KANK1: variants seen among roughly 807,000 people sequenced by gnomAD.
KANK1 encodes the protein KN motif and ankyrin repeat domain-containing protein 1.
In KANK1, 109 loss-of-function variants were observed where a neutral mutation model predicts 106.2. That is an observed-to-expected ratio of 1.03 (90% confidence interval 0.88 to 1.20). KANK1 has a LOEUF of 1.20. Among genes scored for constraint, KANK1 ranks in the 50% most tolerant of loss-of-function variants. The pLI is 0.00. For synonymous variants in KANK1, 873 were observed against 652.2 expected (o/e 1.34, Z -5.16); for missense variants, 2,399 against 1,710.7 (o/e 1.40, Z -7.10).
At chr9:574,087 G>C (rs1374588085) in intron 1 of KANK1, among the ~76,000 whole-genome samples, 1 of 152,248 alleles carries the variant, frequency 6.6e-6, no homozygotes. Flanking sequence ...TTGTCCTGTA[G>C]AAGTAGAAAT....
chr9:620,765 T>C (rs558251174), intron 1 of KANK1, among the ~76,000 whole-genome samples: 1 of 152,206 alleles, frequency 6.6e-6, no homozygotes, highest in South Asian at 2.1e-4. Context: ...AAAACCAATT[T>C]TTAAAAAGCC....
chr9:475,364 C>T (rs1051213788), intron 3 of KANK1, among the ~76,000 whole-genome samples: 3 of 152,202 alleles, frequency 2.0e-5, no homozygotes, highest in African/African-American at 7.2e-5. Flanking sequence ...TAACCCAAGA[C>T]CCCGAAAGTA....
chr9:564,078 G>A (rs902584786), intron 1 of KANK1, among the ~76,000 whole-genome samples: 1 of 86,862 alleles, frequency 1.2e-5, no homozygotes, highest in Non-Finnish European at 2.2e-5. Context: ...TTTTTTTTTT[G>A]AGACAGAGTC....
At chr9:656,517 T>C (rs1002994855) in intron 1 of KANK1, among the ~76,000 whole-genome samples, 4 of 152,154 alleles carry the variant, frequency 2.6e-5, no homozygotes, top group Non-Finnish European at 4.4e-5. Context: ...TTGGTCAGTC[T>C]GTGACCATAC....
Position 713,155 on chromosome 9 carries a change from G to T in KANK1, c.2389G>T (p.Val797Leu). 6.3e-7 allele frequency: 1 copy of T among 1,591,812 alleles called. No individual in the cohort carries two copies. The highest frequency in any genetic ancestry group is 1.2e-5 in the South Asian group (1 of 86,382). Residue 797 changes from valine (V) to leucine (L), a missense_variant, in exon 3 of 12, where the codon GTG becomes TTG. By Grantham distance (32) the Val-to-Leu change is conservative. Transcript: ENST00000382297. ...TVGLTASRRS[V>L]GVGDDPVGES... ...GGGGCTGACAGCCAGCAGAAGGAGC[G>T]TGGGGGTTGGGGATGACCCTGTAGG...
intron 1 of KANK1, among the ~76,000 whole-genome samples, chr9:665,142 C>A (rs1361162234): frequency 6.6e-6 from 1 of 152,122 alleles, no homozygotes; most frequent in Non-Finnish European, 1.5e-5. Context: ...TGAGTGTTTC[C>A]TTTGCTGTGC....
At chr9:624,448 A>G (rs1173514483) in intron 1 of KANK1, among the ~76,000 whole-genome samples, 1 of 152,168 alleles carries the variant, frequency 6.6e-6, no homozygotes, top group Non-Finnish European at 1.5e-5. Context: ...TATAATTTCT[A>G]TTAATTATTC....
intron 1 of KANK1, among the ~76,000 whole-genome samples, chr9:644,180 G>C (rs1839148899): frequency 6.6e-6 from 1 of 151,018 alleles, no homozygotes; most frequent in Admixed American, 6.6e-5. Flanking sequence ...AGAGGAAGCA[G>C]AAGTAGAGCA....
rs1836687930 is a variant in KANK1 at position 744,562 on chromosome 9, T to C, written c.3969T>C (p.His1323=). 27 of 1,614,194 alleles carry C rather than the reference T, an allele frequency of 1.7e-5. No homozygotes were observed. Among genetic ancestry groups the C allele is most frequent in the Non-Finnish European group, 2.0e-5 (24 of 1,180,016 alleles). Residue 1323 remains histidine (H), a synonymous_variant, in exon 11 of 12, where the codon CAT becomes CAC. Coordinates refer to ENST00000382297, the MANE Select transcript of KANK1 (RefSeq NM_015158.5). ...HKDIAVLLYA[H]VNFAKAQSPG... ...ACATCGCTGTTCTTCTGTATGCCCA[T>C]GTCAACTTTGCAAAAGCCCAGTCTC... is the stretch of plus-strand genomic sequence containing the variant.
intron 1 of KANK1, among the ~76,000 whole-genome samples, chr9:541,135 C>G (rs776741393): frequency 2.6e-5 from 4 of 151,118 alleles, no homozygotes; most frequent in African/African-American, 7.3e-5. Flanking sequence ...AAAAAAAACA[C>G]AAAAAAACAG....
intron 1 of KANK1, among the ~76,000 whole-genome samples, chr9:570,990 A>G (rs1351264896): frequency 6.6e-6 from 1 of 152,182 alleles, no homozygotes; most frequent in Non-Finnish European, 1.5e-5. Flanking sequence ...TGTTTGGGTC[A>G]GGAGTTACAA....
chr9:481,058 C>G (rs1231742965), intron 3 of KANK1, among the ~76,000 whole-genome samples: 1 of 152,212 alleles, frequency 6.6e-6, no homozygotes, highest in East Asian at 1.9e-4. Context: ...AGAACACTTA[C>G]ATGAGCCTAC....
rs753441374 is a variant in KANK1, at chr9:738,287, G to A, written c.3336G>A (p.Arg1112=). The A allele has an allele frequency of 1.2e-6, 2 of 1,610,720 alleles. No individual in the cohort carries two copies. The highest frequency in any genetic ancestry group is 1.3e-5 in the African/African-American group (1 of 74,864). The part of the protein sequence containing the change: ...DPKALTSKDM[R]FCLNTLQHEW... ...ACGACCACTTGGTGTTTTGGCAGAG[G>A]TTCTGTCTGAACACCCTCCAGCACG... The change falls in exon 8 of 12, where the codon AGG becomes AGA. Residue 1112 remains arginine (R), a splice_region_variant and synonymous_variant. Transcript: ENST00000382297.
chr9:562,948 T>C (rs886924042), intron 1 of KANK1, among the ~76,000 whole-genome samples: 4 of 152,226 alleles, frequency 2.6e-5, no homozygotes, highest in Non-Finnish European at 5.9e-5. Flanking sequence ...AAATGTGTGC[T>C]TCTCATCTTT....
intron 1 of KANK1, among the ~76,000 whole-genome samples, chr9:653,859 G>T (rs1053195455): frequency 1.3e-5 from 2 of 152,202 alleles, no homozygotes; most frequent in African/African-American, 4.8e-5. Context: ...TACAGTTGCT[G>T]TTAGATTGTC....
At position 710,327 on chromosome 9, in the gene KANK1, G is replaced by C. The variant is rs547560420; in HGVS notation, c.38-477G>C. 2.6e-5 allele frequency among the ~76,000 whole-genome samples: 4 copies of C among 152,194 alleles called. No individual in the cohort carries two copies. The South Asian group carries it at 8.3e-4, about 32-fold the overall frequency. On this transcript the variant is annotated intron_variant, in intron 2 of 11. Transcript: ENST00000382297. ...GAAGTTAAGAGAGGTTTATTAACTTGCTTACCCAAGCCGGGCGCAGTGGCT... is the reference window on the plus strand; with the variant it reads ...GAAGTTAAGAGAGGTTTATTAACTTCCTTACCCAAGCCGGGCGCAGTGGCT...
At chr9:564,552 A>T (rs1482329406) in intron 1 of KANK1, among the ~76,000 whole-genome samples, 1 of 152,328 alleles carries the variant, frequency 6.6e-6, no homozygotes, top group East Asian at 1.9e-4. Context: ...CATAGTTGCA[A>T]TGTTGAGAGA....
intron 7 of KANK1, among the ~76,000 whole-genome samples, chr9:737,489 C>T (rs1251957161): frequency 1.3e-4 from 20 of 152,220 alleles, no homozygotes; most frequent in Admixed American, 1.3e-3. Context: ...TCATCCTCAT[C>T]ACCAGTACTG....
rs1827913796 is a variant in KANK1, at chr9:717,082, C to T, written c.2698+3618C>T. ...GGCAGAGTGCTTGAGCCCAGGAGTT[C>T]GAGACCATCCTGGGCAATATGGTAA... On this transcript the variant is annotated intron_variant, in intron 3 of 11. Coordinates refer to ENST00000382297, the MANE Select transcript of KANK1 (RefSeq NM_015158.5). Among the ~76,000 whole-genome samples the T allele has an allele frequency of 1.3e-5, 2 of 151,988 alleles. 1 individual carries two copies. The highest frequency in any genetic ancestry group is 4.8e-5 in the African/African-American group (2 of 41,362).
Sources: allele counts gnomAD v4.1 joint callset (sites outside exome capture counted in the v4.1 genomes callset), GRCh38; gene constraint gnomAD v4.1.1; transcripts MANE v1.5; gene names NCBI Gene and HGNC (gene_info 2026-07-23, HGNC 2026-07-21).